PALLD: variants seen among roughly 807,000 people sequenced by gnomAD.
The protein encoded by PALLD is palladin, cytoskeletal associated protein, also known as palladin.
PALLD carries 61 observed loss-of-function variants against 123.5 expected under a neutral mutation model. That is an observed-to-expected ratio of 0.49 (90% CI 0.40 to 0.61). The LOEUF is 0.61. Ranked by LOEUF, PALLD falls within the 20% of genes least tolerant of loss-of-function variation. PALLD has a pLI of 0.00. For synonymous variants in PALLD, 465 were observed against 496.4 expected (o/e 0.94, Z 0.84); for missense variants, 1,273 against 1,377.0 (o/e 0.92, Z 1.20).
chr4:168,620,830 A>G (rs1580618547), intron 2 of PALLD, among the ~76,000 whole-genome samples: 1 of 152,358 alleles, frequency 6.6e-6, no homozygotes, highest in South Asian at 2.1e-4. Context: ...CAGTATATGC[A>G]AAAAGTATGA....
intron 2 of PALLD, among the ~76,000 whole-genome samples, chr4:168,593,406 T>G (rs146027988): frequency 1.3e-4 from 18 of 141,634 alleles, no homozygotes; most frequent in African/African-American, 4.7e-4. Flanking sequence ...AAAAGTACTT[T>G]GTTTAGTAAA....
chr4:168,723,891 C>CTTTTTT (rs59055427), intron 10 of PALLD, among the ~76,000 whole-genome samples: 2 of 111,772 alleles, frequency 1.8e-5, no homozygotes, highest in African/African-American at 3.6e-5. Context: ...TTGAGTTGGG[C>CTTTTTT]TTTTTTTTTT....
At chr4:168,897,472 G>C (rs112935285) in intron 13 of PALLD, among the ~76,000 whole-genome samples, 1 of 152,000 alleles carries the variant, frequency 6.6e-6, no homozygotes, top group Non-Finnish European at 1.5e-5. Context: ...TTGGAGACAG[G>C]GTCTCACTCT....
intron 10 of PALLD, among the ~76,000 whole-genome samples, chr4:168,713,034 C>T (rs1461292762): frequency 1.3e-5 from 2 of 152,126 alleles, no homozygotes; most frequent in Non-Finnish European, 2.9e-5. Context: ...CAAAAGAATA[C>T]CTTAAGTTAA....
At chr4:168,615,533 G>C (rs1774146553) in intron 2 of PALLD, among the ~76,000 whole-genome samples, 1 of 152,212 alleles carries the variant, frequency 6.6e-6, no homozygotes, top group Admixed American at 6.5e-5. Flanking sequence ...GGCACAAAGA[G>C]ACAGGATTTA....
chr4:168,545,142 C>T (rs1367153645), intron 2 of PALLD, among the ~76,000 whole-genome samples: 2 of 152,192 alleles, frequency 1.3e-5, no homozygotes, highest in Admixed American at 1.3e-4. Context: ...TTCATCCTCT[C>T]TGGTTTCCAA....
intron 10 of PALLD, among the ~76,000 whole-genome samples, chr4:168,813,493 T>C (rs1352790299): frequency 6.6e-6 from 1 of 152,192 alleles, no homozygotes; most frequent in Non-Finnish European, 1.5e-5. Flanking sequence ...GGTCTTGCTC[T>C]GTCACCCAGG....
chr4:168,616,040 T>C (rs1774193574), intron 2 of PALLD, among the ~76,000 whole-genome samples: 1 of 152,176 alleles, frequency 6.6e-6, no homozygotes, highest in Admixed American at 6.5e-5. Flanking sequence ...TGTGACAGTA[T>C]TTTTTGCCTA....
At chr4:168,719,648 G>C (rs1303316147) in intron 10 of PALLD, among the ~76,000 whole-genome samples, 1 of 152,056 alleles carries the variant, frequency 6.6e-6, no homozygotes, top group African/African-American at 2.4e-5. Flanking sequence ...CTGTCACAGG[G>C]GTTTGGTGTA....
In PALLD at chr4:168,733,735, T is replaced by C. The variant is rs915296153; in HGVS notation, c.1964+21812T>C. ...AAATGTTTTTTGTTGTTGTTGTTGG[T>C]TTTGTTTTATTTTTTTGAGACGGAG... On this transcript the variant is annotated intron_variant, in intron 10 of 21. Transcript: ENST00000505667. 8.6e-5 allele frequency among the ~76,000 whole-genome samples: 13 copies of C among 151,898 alleles called. 1 individual carries two copies. Among genetic ancestry groups the C allele is most frequent in the Middle Eastern group, 3.4e-3 (1 of 294 alleles).
chr4:168,735,686 T>C (rs116195341), intron 10 of PALLD, among the ~76,000 whole-genome samples: 3 of 152,186 alleles, frequency 2.0e-5, no homozygotes, highest in Non-Finnish European at 4.4e-5. Flanking sequence ...TCAACAATCA[T>C]GTTGGTGAAA....
In PALLD at chr4:168,709,009, C is replaced by T. The variant is rs750918998; in HGVS notation, c.1502-19C>T. Reference sequence around the variant, plus strand: ...CATGGTTCAACTCTGATGAATGATTCTGTTCTCTTCACTTCCAGAGGAGAT... The same window carrying T: ...CATGGTTCAACTCTGATGAATGATTTTGTTCTCTTCACTTCCAGAGGAGAT... On this transcript the variant is annotated intron_variant, in intron 8 of 21. Transcript: ENST00000505667. 1.2e-6 allele frequency: 2 copies of T among 1,612,296 alleles called. No homozygotes were observed. Among genetic ancestry groups the T allele is most frequent in the African/African-American group, 1.3e-5 (1 of 75,016 alleles).
chr4:168,547,595 G>A (rs897719735), intron 2 of PALLD, among the ~76,000 whole-genome samples: 5 of 149,232 alleles, frequency 3.4e-5, no homozygotes, highest in Non-Finnish European at 7.4e-5. Flanking sequence ...AAAGCCAGGT[G>A]TGGTGGCAGG....
At chr4:168,500,752 C>T (rs977349581) in intron 1 of PALLD, among the ~76,000 whole-genome samples, 5 of 152,036 alleles carry the variant, frequency 3.3e-5, no homozygotes, top group African/African-American at 1.2e-4. Flanking sequence ...GTAATCTATC[C>T]CCAAAAGTCA....
intron 8 of PALLD, among the ~76,000 whole-genome samples, chr4:168,707,383 T>C (rs1784329085): frequency 6.6e-6 from 1 of 152,190 alleles, no homozygotes; most frequent in South Asian, 2.1e-4. Flanking sequence ...GCTGTCTCAG[T>C]GCGGCCATGG....
intron 2 of PALLD, among the ~76,000 whole-genome samples, chr4:168,531,004 G>T (rs1233282034): frequency 6.6e-6 from 1 of 152,156 alleles, no homozygotes; most frequent in Non-Finnish European, 1.5e-5. Flanking sequence ...CCAGTCTCTG[G>T]AAGAAGTGTT....
At chr4:168,661,726 C>T (rs1468268532) in intron 2 of PALLD, among the ~76,000 whole-genome samples, 1 of 152,194 alleles carries the variant, frequency 6.6e-6, no homozygotes, top group East Asian at 1.9e-4. Flanking sequence ...TTTGTTAAAA[C>T]ATGTGTCTAT....
Position 168,921,600 on chromosome 4 carries a change from G to A in PALLD, c.2917G>A (p.Ala973Thr). The change falls in exon 18 of 22, where the codon GCT (alanine) becomes ACT (threonine). Residue 973 changes from alanine (A) to threonine (T), a missense_variant. Transcript: ENST00000505667. ...TGGAAAGCCCGTACGCCCTGACAGT[G>A]CTCACAAGATGCTGGTGCGTGAGAA... ...LDGKPVRPDS[A>T]HKMLVRENGV... is the part of the protein sequence containing the mutation. The A allele has an allele frequency of 6.2e-7, 1 of 1,610,384 alleles. No homozygotes were observed. Among genetic ancestry groups the A allele is most frequent in the East Asian group, 2.2e-5 (1 of 44,730 alleles).
Position 168,707,242 on chromosome 4 carries a change from T to C in PALLD, c.1502-1786T>C, listed in dbSNP as rs561373498. Among the ~76,000 whole-genome samples, 20 of 152,354 alleles carry C rather than the reference T, an allele frequency of 1.3e-4. 1 individual carries two copies. In the South Asian group the frequency reaches 2.9e-3, roughly 22 times the overall value. ...TTATCAAATTCTATGAGTTAGCTAC[T>C]GCAATACAGTAGAGCACCCCAAAAT... On this transcript the variant is annotated intron_variant, in intron 8 of 21. Transcript: ENST00000505667.
Sources: gnomAD v4.1 joint callset for allele counts (sites outside exome capture counted in the v4.1 genomes callset) on GRCh38, gnomAD v4.1.1 for gene constraint, MANE v1.5 for transcripts, NCBI Gene and HGNC (gene_info 2026-07-23, HGNC 2026-07-21) for gene names.